SHC4: variants seen among roughly 807,000 people sequenced by gnomAD.
SHC4 encodes SHC adaptor protein 4.
In SHC4, 41 loss-of-function variants were observed where a neutral mutation model predicts 69.4. The observed-to-expected ratio is 0.59, with a 90% CI of 0.46 to 0.77. SHC4 has a LOEUF of 0.77. Ranked by LOEUF, SHC4 falls within the 30% of genes least tolerant of loss-of-function variation. The pLI, the probability that SHC4 is intolerant of heterozygous loss-of-function variation, is 0.00. For missense variants in SHC4, 777 were observed against 783.8 expected (o/e 0.99, Z 0.10); for synonymous variants, 318 against 299.3 (o/e 1.06, Z -0.64).
intron 4 of SHC4, chr15:48,876,676 T>C (rs765755041): frequency 1.6e-6 from 1 of 629,180 alleles, no homozygotes. Flanking sequence ...AGGAGAAAGA[T>C]TTAGGCTGGG....
At chr15:48,933,673 A>C (rs973501136) in intron 1 of SHC4, among the ~76,000 whole-genome samples, 5 of 152,228 alleles carry the variant, frequency 3.3e-5, no homozygotes, top group African/African-American at 1.2e-4. Flanking sequence ...GAACAAAGTT[A>C]GAGAATCCGC....
chr15:48,923,023 C>T (rs1001395506), intron 2 of SHC4, among the ~76,000 whole-genome samples: 3 of 152,140 alleles, frequency 2.0e-5, no homozygotes, highest in Non-Finnish European at 4.4e-5. Flanking sequence ...TGAGCCTCTG[C>T]CATGTGCCAG....
intron 1 of SHC4, among the ~76,000 whole-genome samples, chr15:48,937,039 CA>C (rs1239025905): frequency 1.3e-5 from 2 of 152,246 alleles, no homozygotes; most frequent in African/African-American, 2.4e-5. Flanking sequence ...AATAACTTTA[CA>C]CCAATGTGTT....
Position 48,843,436 on chromosome 15 carries a change from G to A in SHC4, c.1456C>T (p.Pro486Ser), listed in dbSNP as rs1259517479. The A allele has an allele frequency of 6.2e-7, 1 of 1,613,722 alleles. No individual in the cohort carries two copies. Among genetic ancestry groups the A allele is most frequent in the Admixed American group, 1.7e-5 (1 of 60,014 alleles). ...GSAGNQRSAQ[P>S]LGSPWHCGKA... ...CCGCAGTGCCATGGGCTCCCCAGTG[G>A]TTGGGCTGACCTTTGATTTCCAGCA... is the stretch of plus-strand genomic sequence containing the variant. The change falls in exon 10 of 12, where the codon CCA becomes TCA. Residue 486 changes from proline to serine, a missense_variant. Coordinates refer to ENST00000332408, the MANE Select transcript of SHC4 (RefSeq NM_203349.4).
chr15:48,885,629 C>T (rs1008096799), intron 3 of SHC4, among the ~76,000 whole-genome samples: 1 of 152,194 alleles, frequency 6.6e-6, no homozygotes, highest in African/African-American at 2.4e-5. Flanking sequence ...CAATTTGTTT[C>T]TTTCCTAGTT....
intron 3 of SHC4, among the ~76,000 whole-genome samples, chr15:48,889,713 G>A (rs1223013685): frequency 1.3e-5 from 2 of 152,110 alleles, no homozygotes; most frequent in Non-Finnish European, 2.9e-5. Flanking sequence ...GTGTGGTGGC[G>A]GGCTCCTGTG....
At chr15:48,936,794 T>A (rs1311074587) in intron 1 of SHC4, among the ~76,000 whole-genome samples, 1 of 152,206 alleles carries the variant, frequency 6.6e-6, no homozygotes, top group Non-Finnish European at 1.5e-5. Flanking sequence ...GTACTGGTCA[T>A]CTGTGGGCAA....
At chr15:48,919,942 A>G (rs369943967) in intron 2 of SHC4, among the ~76,000 whole-genome samples, 12 of 148,730 alleles carry the variant, frequency 8.1e-5, no homozygotes, top group South Asian at 4.3e-4. Context: ...AGGAGAGGGG[A>G]AAAAAAAAAC....
intron 10 of SHC4, among the ~76,000 whole-genome samples, chr15:48,840,913 G>C (rs1898977569): frequency 6.6e-6 from 1 of 152,170 alleles, no homozygotes; most frequent in Non-Finnish European, 1.5e-5. Context: ...CAGGGAAAGG[G>C]AGAAAGGTGA....
At chr15:48,912,942 G>A (rs1195162392) in intron 2 of SHC4, among the ~76,000 whole-genome samples, 2 of 147,502 alleles carry the variant, frequency 1.4e-5, no homozygotes, top group African/African-American at 2.5e-5. Flanking sequence ...GATGTGAACT[G>A]TCTATGGGTC....
chr15:48,888,882 CAAAAA>C (rs36036782), intron 3 of SHC4, among the ~76,000 whole-genome samples: 16 of 89,118 alleles, frequency 1.8e-4, no homozygotes, highest in Admixed American at 9.2e-4. Flanking sequence ...GTGAAACTGT[CAAAAA>C]AAAAAAAAAA....
At chr15:48,913,854 C>T (rs569935520) in intron 2 of SHC4, among the ~76,000 whole-genome samples, 38 of 152,282 alleles carry the variant, frequency 2.5e-4, no homozygotes, top group Admixed American at 8.5e-4. Context: ...AAACTTCTCC[C>T]GCAAACAGAT....
At position 48,963,095 on chromosome 15, in the gene SHC4, A is replaced by T. The variant is rs1595772423; in HGVS notation, c.-80T>A. ...TAGATAAACGGTGCAGACATCAGAT[A>T]CCTCAACGCCCGATGCAACTCACAG... is the stretch of plus-strand genomic sequence containing the variant. On this transcript the variant is annotated 5_prime_UTR_variant, in exon 1 of 12. Coordinates refer to ENST00000332408, the MANE Select transcript of SHC4 (RefSeq NM_203349.4). The T allele has an allele frequency of 1.4e-6, 2 of 1,413,480 alleles. No homozygotes were observed. The highest frequency in any genetic ancestry group is 1.9e-6 in the Non-Finnish European group (2 of 1,043,570). 87.6% of individuals were successfully genotyped at this position (1,413,480 alleles called of 1,614,324 possible). A position where few individuals can be genotyped will look rare whatever the true frequency, so the allele number is the denominator to read the frequency against.
In SHC4 at chr15:48,878,793, G is replaced by C. The variant is rs376798804; in HGVS notation, c.840+5455C>G. ...TACTTGAGGAGGGACCCAACTTTCC[G>C]CTATCTTTTGGGTTCATTCCAAATA... On this transcript the variant is annotated intron_variant, in intron 4 of 11. Transcript: ENST00000332408. 9.8e-5 allele frequency: 149 copies of C among 1,514,852 alleles called. No homozygotes were observed. In the East Asian group the frequency reaches 2.6e-3, roughly 26 times the overall value. The allele number at this position is 1,514,852 out of a possible 1,614,324, so 93.8% of individuals were successfully genotyped here. A position where few individuals can be genotyped will look rare whatever the true frequency, so the allele number is the denominator to read the frequency against.
intron 10 of SHC4, among the ~76,000 whole-genome samples, chr15:48,836,505 G>GA (rs1898900927): frequency 6.6e-6 from 1 of 151,866 alleles, no homozygotes; most frequent in African/African-American, 2.4e-5. Flanking sequence ...GTTTAATAAG[G>GA]CAAATTTACC....
chr15:48,867,821 GTTGA>G lies in SHC4; in HGVS notation c.939_942del (p.Gln314GlufsTer17). ...ATCTGTAAGTTGCTTTCCATACCTC[GTTGA>G]TTAACTGGATCTTTAGCTACGTAGG... On this transcript the variant is annotated frameshift_variant, in exon 6 of 12. Coordinates refer to ENST00000332408, the MANE Select transcript of SHC4 (RefSeq NM_203349.4). LOFTEE classifies it high-confidence loss of function. The G allele has an allele frequency of 6.2e-7, 1 of 1,613,364 alleles. No individual in the cohort carries two copies. Among genetic ancestry groups the G allele is most frequent in the Non-Finnish European group, 8.5e-7 (1 of 1,179,576 alleles).
Position 48,857,824 on chromosome 15 carries a change from G to A in SHC4, c.947-9C>T. On this transcript the variant is annotated splice_polypyrimidine_tract_variant and intron_variant, in intron 6 of 11. Coordinates refer to ENST00000332408, the MANE Select transcript of SHC4 (RefSeq NM_203349.4). ...TTCCAATATGTGACAGGCTGCAAGA[G>A]GACATACAAAAAATAATATTATAAT... The A allele has an allele frequency of 4.0e-6, 6 of 1,493,214 alleles. No individual in the cohort carries two copies. The highest frequency in any genetic ancestry group is 1.5e-5 in the South Asian group (1 of 66,698). 92.5% of individuals were successfully genotyped at this position (1,493,214 alleles called of 1,614,324 possible). A position where few individuals can be genotyped will look rare whatever the true frequency, so the allele number is the denominator to read the frequency against.
rs752757326 is a variant in SHC4 at position 48,962,518 on chromosome 15, A to G, written c.498T>C (p.Pro166=). The part of the protein sequence containing the change: ...TALTPDSCPL[P]GPGEPTLRSR... The stretch of plus-strand genomic sequence containing the variant: ...TCCTAAGTGTTGGCTCCCCAGGGCC[A>G]GGAAGCGGGCACGAATCAGGGGTTA... The change falls in exon 1 of 12, where the codon CCT becomes CCC. Residue 166 remains proline (P), a synonymous_variant. Coordinates refer to ENST00000332408, the MANE Select transcript of SHC4 (RefSeq NM_203349.4). 1.3e-6 allele frequency: 2 copies of G among 1,584,828 alleles called. No homozygotes were observed. Among genetic ancestry groups the G allele is most frequent in the Admixed American group, 1.8e-5 (1 of 56,442 alleles).
Position 48,963,244 on chromosome 15 carries a change from G to A in SHC4, c.-229C>T, listed in dbSNP as rs973440905. 4 of 497,162 alleles carry A rather than the reference G, an allele frequency of 8.0e-6. No individual in the cohort carries two copies. Among genetic ancestry groups the A allele is most frequent in the African/African-American group, 3.9e-5 (2 of 51,560 alleles). The allele number at this position is 497,162 out of a possible 1,614,324, so 30.8% of individuals were successfully genotyped here. ...TCAGTCTCTCCCTGGCCCAGGCAGAGGCACCAGTGTTCTCGCCTTGGAATC... is the reference window on the plus strand; with the variant it reads ...TCAGTCTCTCCCTGGCCCAGGCAGAAGCACCAGTGTTCTCGCCTTGGAATC... On this transcript the variant is annotated 5_prime_UTR_variant, in exon 1 of 12. Transcript: ENST00000332408.
Sources: gnomAD v4.1 joint callset for allele counts (sites outside exome capture counted in the v4.1 genomes callset) on GRCh38, gnomAD v4.1.1 for gene constraint, MANE v1.5 for transcripts, NCBI Gene and HGNC (gene_info 2026-07-23, HGNC 2026-07-21) for gene names.